Variants in BRAP observed in about 807,000 individuals in gnomAD.
BRAP encodes the protein BRCA1 associated protein.
BRAP carries 42 observed loss-of-function variants against 73.4 expected under a neutral mutation model. That is an observed-to-expected ratio of 0.57 (90% CI 0.45 to 0.74). The LOEUF is 0.74. Ranked by LOEUF, BRAP falls within the 30% of genes least tolerant of loss-of-function variation. The pLI, the probability that BRAP is intolerant of heterozygous loss-of-function variation, is 0.00. For missense variants in BRAP, 593 were observed against 751.4 expected, an observed-to-expected ratio of 0.79 and a Z score of 2.46; for synonymous variants, 255 against 267.4, an observed-to-expected ratio of 0.95 and a Z score of 0.45.
chr12:111,670,825 C>T (rs367893058), intron 5 of BRAP, among the ~76,000 whole-genome samples: 4 of 151,908 alleles, frequency 2.6e-5, no homozygotes, highest in South Asian at 2.1e-4. Context: ...TCTGGCCGGG[C>T]GCGGTGGCTC....
At chr12:111,661,959 C>G (rs893633397) in intron 6 of BRAP, among the ~76,000 whole-genome samples, 42 of 152,268 alleles carry the variant, frequency 2.8e-4, no homozygotes, top group Admixed American at 2.1e-3. Context: ...CAGGCATGAG[C>G]CACCGCACCT....
intron 1 of BRAP, among the ~76,000 whole-genome samples, chr12:111,685,310 T>TA (rs1887772524): frequency 6.6e-6 from 1 of 152,228 alleles, no homozygotes; most frequent in Admixed American, 6.5e-5. Context: ...TGACTATGGT[T>TA]AGGGGGCACT....
In BRAP at chr12:111,671,966, C is replaced by T. The variant is rs559476982; in HGVS notation, c.747+695G>A. ...TCCCAACTCCTGTGCTCAAGCGATC[C>T]GTCACCTCAGCCTCCCAAAGAGCTG... On this transcript the variant is annotated intron_variant, in intron 5 of 11. Transcript: ENST00000419234. Among the ~76,000 whole-genome samples the T allele has an allele frequency of 2.6e-4, 40 of 152,082 alleles. 1 individual carries two copies. The highest frequency in any genetic ancestry group is 3.9e-4 in the East Asian group (2 of 5,188).
chr12:111,652,359 G>A (rs1184029610), intron 10 of BRAP, among the ~76,000 whole-genome samples: 2 of 152,072 alleles, frequency 1.3e-5, no homozygotes, highest in African/African-American at 4.8e-5. Context: ...GAGTAGCTGG[G>A]ACTATGGGCA....
chr12:111,664,163 AAAAC>A (rs1219978517), intron 6 of BRAP, among the ~76,000 whole-genome samples: 1 of 151,998 alleles, frequency 6.6e-6, no homozygotes, highest in East Asian at 1.9e-4. Flanking sequence ...CCATCTCTAC[AAAAC>A]AAACAAAAAA....
rs1885998148 is a variant in BRAP at position 111,643,996 on chromosome 12, G to A, written c.*203C>T. 2 of 819,898 alleles carry A rather than the reference G, an allele frequency of 2.4e-6. No homozygotes were observed. Among genetic ancestry groups the A allele is most frequent in the Non-Finnish European group, 3.6e-6 (2 of 548,632 alleles). 50.8% of individuals were successfully genotyped at this position (819,898 alleles called of 1,614,324 possible). Reference sequence around the variant, plus strand: ...GTTAGTGAACTCTTAAGACCTTTTCGAACGCAGCGCCTTTCTATCAGCTCT... The same window carrying A: ...GTTAGTGAACTCTTAAGACCTTTTCAAACGCAGCGCCTTTCTATCAGCTCT... On this transcript the variant is annotated 3_prime_UTR_variant, in exon 12 of 12. Transcript: ENST00000419234.
At position 111,644,048 on chromosome 12, in the gene BRAP, C is replaced by T; in HGVS notation, c.*151G>A. The stretch of plus-strand genomic sequence containing the variant: ...CAGTCAGCACCCTTTACATTCACTA[C>T]ATCACACACTAGCAAATGAAAGAGC... On this transcript the variant is annotated 3_prime_UTR_variant, in exon 12 of 12. Transcript: ENST00000419234. 1.6e-6 allele frequency: 2 copies of T among 1,212,512 alleles called. No homozygotes were observed. Among genetic ancestry groups the T allele is most frequent in the Non-Finnish European group, 1.1e-6 (1 of 893,508 alleles). 75.1% of individuals were successfully genotyped at this position (1,212,512 alleles called of 1,614,324 possible). A position where few individuals can be genotyped will look rare whatever the true frequency, so the allele number is the denominator to read the frequency against.
At chr12:111,668,721 A>G (rs1290191702) in intron 5 of BRAP, among the ~76,000 whole-genome samples, 2 of 151,928 alleles carry the variant, frequency 1.3e-5, no homozygotes, top group African/African-American at 4.8e-5. Flanking sequence ...CAGTGGCACA[A>G]TCTCGGCTCA....
At chr12:111,685,256 C>G (rs141653271) in intron 1 of BRAP, among the ~76,000 whole-genome samples, 1 of 152,334 alleles carries the variant, frequency 6.6e-6, no homozygotes, top group Non-Finnish European at 1.5e-5. Flanking sequence ...ACAAAAGGTG[C>G]TTAGTACAGT....
chr12:111,661,083 G>A (rs540633342), intron 6 of BRAP, among the ~76,000 whole-genome samples: 93 of 150,546 alleles, frequency 6.2e-4, no homozygotes, highest in African/African-American at 2.1e-3. Flanking sequence ...AGGTTCAAGC[G>A]ATTCTCCTGC....
chr12:111,685,414 A>T (rs1003221236), intron 1 of BRAP, among the ~76,000 whole-genome samples: 2 of 152,232 alleles, frequency 1.3e-5, no homozygotes, highest in Admixed American at 1.3e-4. Context: ...CGAAGCCCAT[A>T]GGGAAGCAAG....
chr12:111,642,401 C>T lies in BRAP; in HGVS notation c.*1798G>A, dbSNP rs1823250612. 6.6e-6 allele frequency: 1 copy of T among 151,694 alleles called. No individual in the cohort carries two copies. The highest frequency in any genetic ancestry group is 2.1e-4 in the South Asian group (1 of 4,822). The allele number at this position is 151,694 out of a possible 1,614,324, so 9.4% of individuals were successfully genotyped here. On this transcript the variant is annotated 3_prime_UTR_variant, in exon 12 of 12. Coordinates refer to ENST00000419234, the MANE Select transcript of BRAP (RefSeq NM_006768.5). ...AACACTTGCCTATTTGCTCATTCCT[C>T]TGGGCACAGCCTTTCAGAGCATTTA...
intron 1 of BRAP, among the ~76,000 whole-genome samples, chr12:111,685,044 G>A (rs986308770): frequency 1.3e-4 from 20 of 152,196 alleles, no homozygotes; most frequent in African/African-American, 4.3e-4. Flanking sequence ...CCCCACTAAG[G>A]AGCTTCCTCA....
chr12:111,680,295 G>C (rs1344008321), intron 3 of BRAP, among the ~76,000 whole-genome samples: 1 of 152,066 alleles, frequency 6.6e-6, no homozygotes, highest in African/African-American at 2.4e-5. Context: ...GAGGATTACA[G>C]GAAGTGTTAC....
At chr12:111,681,539 A>C in intron 3 of BRAP, 98 bp downstream of exon 3, 3 of 977,102 alleles carry the variant, frequency 3.1e-6, no homozygotes, top group Non-Finnish European at 4.5e-6. Context: ...TGAAGCTTAA[A>C]ATACCCACTT....
chr12:111,647,227 C>T lies in BRAP; in HGVS notation c.1416-2665G>A, dbSNP rs560602677. Reference sequence around the variant, plus strand: ...TGGAGGTTGCAGTGAACTATGATTACGCCACTGTACTCTGGCCTAGGCAAC... The same window carrying T: ...TGGAGGTTGCAGTGAACTATGATTATGCCACTGTACTCTGGCCTAGGCAAC... On this transcript the variant is annotated intron_variant, in intron 11 of 11. Coordinates refer to ENST00000419234, the MANE Select transcript of BRAP (RefSeq NM_006768.5). 1.2e-4 allele frequency among the ~76,000 whole-genome samples: 18 copies of T among 152,230 alleles called. No individual in the cohort carries two copies. The East Asian group carries it at 3.1e-3, about 26-fold the overall frequency.
chr12:111,671,261 G>C (rs901901261), intron 5 of BRAP, among the ~76,000 whole-genome samples: 1 of 152,016 alleles, frequency 6.6e-6, no homozygotes, highest in Non-Finnish European at 1.5e-5. Context: ...TATCAAAACA[G>C]AATCAACGCC....
Position 111,665,573 on chromosome 12 carries a change from GCT to G in BRAP, c.896+64_896+65del. On this transcript the variant is annotated intron_variant, in intron 6 of 11. Coordinates refer to ENST00000419234, the MANE Select transcript of BRAP (RefSeq NM_006768.5). This position sits in a 1 kb window ranked among gnomAD's most constrained non-coding sequence, Gnocchi z 4.3. ...TTGGAATGGTTCATTTCTGCTGGTGGCTCTTTTTAATTCTGGAAGGGTTGCAA... is the reference window on the plus strand; with the variant it reads ...TTGGAATGGTTCATTTCTGCTGGTGGCTTTTTAATTCTGGAAGGGTTGCAA... 1.7e-5 allele frequency: 27 copies of G among 1,571,042 alleles called. No homozygotes were observed. The highest frequency in any genetic ancestry group is 2.3e-5 in the Non-Finnish European group (27 of 1,149,604).
intron 1 of BRAP, among the ~76,000 whole-genome samples, chr12:111,684,513 T>C (rs1224222268): frequency 1.3e-5 from 2 of 152,178 alleles, no homozygotes; most frequent in African/African-American, 4.8e-5. Context: ...GTTTCTCCTT[T>C]CCTTCACAGC....
Sources: gnomAD v4.1 joint callset for allele counts (sites outside exome capture counted in the v4.1 genomes callset) on GRCh38, gnomAD v4.1.1 for gene constraint, Gnocchi (gnomAD v3.1) non-coding constraint, MANE v1.5 for transcripts, NCBI Gene and HGNC (gene_info 2026-07-23, HGNC 2026-07-21) for gene names.